The following FMO3 variants were observed in gnomAD, a reference collection of about 807,000 sequenced individuals.
FMO3 encodes the protein flavin-containing monooxygenase 3.
A neutral mutation model predicts 39.4 loss-of-function variants in FMO3; 40 were observed. The ratio of observed to expected loss-of-function variants is 1.02; its 90% CI spans 0.79 to 1.32. The LOEUF (loss-of-function observed/expected upper bound fraction) is 1.32, where lower values mean the gene tolerates loss of function less well. Among genes scored for constraint, FMO3 ranks in the 40% most tolerant of loss-of-function variants. FMO3 has a pLI of 0.00. For synonymous variants in FMO3, 219 were observed against 228.8 expected (o/e 0.96, Z 0.39); for missense variants, 680 against 651.8 (o/e 1.04, Z -0.47).
At chr1:171,109,107 G>T (rs1655781945) in intron 5 of FMO3, among the ~76,000 whole-genome samples, 1 of 152,168 alleles carries the variant, frequency 6.6e-6, no homozygotes, top group South Asian at 2.1e-4. Flanking sequence ...CTGTAAATGG[G>T]CTCCTTTGCT....
At chr1:171,111,947 C>G (rs566358178) in intron 6 of FMO3, among the ~76,000 whole-genome samples, 38 of 152,190 alleles carry the variant, frequency 2.5e-4, no homozygotes, top group African/African-American at 8.9e-4. Flanking sequence ...AAGGTAATGG[C>G]AAGTGCTGTC....
At chr1:171,092,837 G>A (rs1034770262) in intron 2 of FMO3, 47 bp downstream of exon 2, 23 of 1,604,718 alleles carry the variant, frequency 1.4e-5, no homozygotes, top group Non-Finnish European at 1.9e-5. Flanking sequence ...GTTGGGAAGT[G>A]TATAAGAGCA....
At position 171,116,262 on chromosome 1, in the gene FMO3, T is replaced by A; in HGVS notation, c.1238T>A (p.Met413Lys). 1 of 1,598,628 alleles carries A rather than the reference T, an allele frequency of 6.3e-7. No homozygotes were observed. Among genetic ancestry groups the A allele is most frequent in the Non-Finnish European group, 8.6e-7 (1 of 1,166,596 alleles). ...ATGATGAATGATATTAATGAGAAAATGGAGAAAAAGCGCAAATGGTAAGAG... is the reference window on the plus strand; with the variant it reads ...ATGATGAATGATATTAATGAGAAAAAGGAGAAAAAGCGCAAATGGTAAGAG... ...EDMMNDINEK[M>K]EKKRKWFGKS... Residue 413 changes from methionine (M) to lysine (K), a missense_variant, in exon 8 of 9, where the codon ATG (methionine) becomes AAG (lysine). Coordinates refer to ENST00000367755, the MANE Select transcript of FMO3 (RefSeq NM_001002294.3).
intron 2 of FMO3, among the ~76,000 whole-genome samples, chr1:171,103,039 T>G (rs890393349): frequency 3.3e-5 from 5 of 152,194 alleles, no homozygotes; most frequent in African/African-American, 1.2e-4. Context: ...TTTACAAATC[T>G]GATCAATAGT....
At chr1:171,096,448 A>G (rs1655062386) in intron 2 of FMO3, among the ~76,000 whole-genome samples, 1 of 105,242 alleles carries the variant, frequency 9.5e-6, no homozygotes, top group African/African-American at 3.9e-5. Context: ...TATTTTATAT[A>G]TTAAATATAT....
At position 171,096,031 on chromosome 1, in the gene FMO3, TA is replaced by T. The variant is rs1455691207; in HGVS notation, c.132+3243del. On this transcript the variant is annotated intron_variant, in intron 2 of 8. Coordinates refer to ENST00000367755, the MANE Select transcript of FMO3 (RefSeq NM_001002294.3). Reference sequence around the variant, plus strand: ...AATATACATATTATATATTAATATATAATATATATTATATATAAATATATAA... The same window carrying T: ...AATATACATATTATATATTAATATATATATATATTATATATAAATATATAA... Among the ~76,000 whole-genome samples, 147 of 61,032 alleles carry T rather than the reference TA, an allele frequency of 2.4e-3. 3 individuals carry two copies. Among genetic ancestry groups the T allele is most frequent in the African/African-American group, 0.01 (137 of 13,478 alleles). 40.0% of individuals were successfully genotyped at this position (61,032 alleles called of 152,430 possible).
At position 171,108,170 on chromosome 1, in the gene FMO3, G is replaced by C; in HGVS notation, c.576G>C (p.Leu192=). The part of the protein sequence containing the change: ...FNGKRVLVVG[L]GNSGCDIATE... ...GAAAGCGTGTCCTGGTGGTTGGCCT[G>C]GGGAATTCGGGCTGTGATATTGCCA... Residue 192 remains leucine (L), a synonymous_variant, in exon 5 of 9, where the codon CTG becomes CTC. Coordinates refer to ENST00000367755, the MANE Select transcript of FMO3 (RefSeq NM_001002294.3). 4 of 1,613,854 alleles carry C rather than the reference G, an allele frequency of 2.5e-6. No homozygotes were observed. The highest frequency in any genetic ancestry group is 3.4e-6 in the Non-Finnish European group (4 of 1,179,896).
chr1:171,116,960 G>A lies in FMO3; in HGVS notation c.1257-140G>A, dbSNP rs368150293. The A allele has an allele frequency of 5.0e-5, 35 of 702,090 alleles. No homozygotes were observed. In the East Asian group the frequency reaches 6.0e-4, roughly 12 times the overall value. 43.5% of individuals were successfully genotyped at this position (702,090 alleles called of 1,614,324 possible). A position where few individuals can be genotyped will look rare whatever the true frequency, so the allele number is the denominator to read the frequency against. ...TACAAGAAATTGATGTTGTATGTCAGGGTAGTGTGGGAAATTTTTTTAGAA... is the reference window on the plus strand; with the variant it reads ...TACAAGAAATTGATGTTGTATGTCAAGGTAGTGTGGGAAATTTTTTTAGAA... On this transcript the variant is annotated intron_variant, in intron 8 of 8. Coordinates refer to ENST00000367755, the MANE Select transcript of FMO3 (RefSeq NM_001002294.3).
intron 2 of FMO3, among the ~76,000 whole-genome samples, chr1:171,096,064 T>TAA (rs1491131192): frequency 5.0e-5 from 2 of 39,614 alleles, no homozygotes; most frequent in East Asian, 1.1e-3. Context: ...ATAATATATA[T>TAA]TATATATTAA....
rs767459045 is a variant in FMO3, at chr1:171,105,749, C to T, written c.321+1776C>T. On this transcript the variant is annotated intron_variant, in intron 3 of 8. Coordinates refer to ENST00000367755, the MANE Select transcript of FMO3 (RefSeq NM_001002294.3). ...AAAACCTGTTATAGGCAGAAAACCA[C>T]GTTTATTTAACAAATTCAGAATTTA... Among the ~76,000 whole-genome samples, 65 of 151,918 alleles carry T rather than the reference C, an allele frequency of 4.3e-4. 1 individual carries two copies. The highest frequency in any genetic ancestry group is 9.2e-4 in the Admixed American group (14 of 15,238).
At chr1:171,106,450 T>G (rs1360320780) in intron 3 of FMO3, among the ~76,000 whole-genome samples, 1 of 152,206 alleles carries the variant, frequency 6.6e-6, no homozygotes, top group Non-Finnish European at 1.5e-5. Flanking sequence ...TTAGAAATTT[T>G]GTAATTGCAT....
intron 5 of FMO3, among the ~76,000 whole-genome samples, chr1:171,110,231 T>C (rs1297524732): frequency 2.0e-5 from 3 of 152,172 alleles, no homozygotes; most frequent in Non-Finnish European, 4.4e-5. Context: ...TTCCAGATAG[T>C]AGCAGGCATT....
At chr1:171,108,335 T>G in intron 5 of FMO3, 114 bp downstream of exon 5, 1 of 1,280,006 alleles carries the variant, frequency 7.8e-7, no homozygotes, top group Non-Finnish European at 1.1e-6. Context: ...ATGTAAAGAC[T>G]AAGTGGTATT....
At chr1:171,106,668 AAC>A (rs28363543) in intron 3 of FMO3, among the ~76,000 whole-genome samples, 2,743 of 152,278 alleles carry the variant, frequency 0.018, 72 homozygotes, top group African/African-American at 0.062. Flanking sequence ...AAGAAAGTAA[AAC>A]ACAGTTATTG....
At chr1:171,110,734 G>T in intron 5 of FMO3, 64 bp from the exon 6 acceptor site, 2 of 1,442,210 alleles carry the variant, frequency 1.4e-6, no homozygotes, top group Non-Finnish European at 2.0e-6. Flanking sequence ...GGGATCTGGG[G>T]TGCTCACCAG....
chr1:171,096,773 A>T (rs1655109356), intron 2 of FMO3, among the ~76,000 whole-genome samples: 1 of 122,186 alleles, frequency 8.2e-6, no homozygotes, highest in Non-Finnish European at 1.7e-5. Context: ...TATAATTAAT[A>T]TAATTATATT....
intron 3 of FMO3, among the ~76,000 whole-genome samples, chr1:171,106,617 A>C (rs1655651535): frequency 6.6e-6 from 1 of 152,196 alleles, no homozygotes; most frequent in Admixed American, 6.5e-5. Context: ...TTTAAGAAAC[A>C]GTGCAGTAAG....
chr1:171,101,099 G>A (rs556567152), intron 2 of FMO3: 19 of 456,122 alleles, frequency 4.2e-5, no homozygotes, highest in African/African-American at 8.0e-5. Context: ...GAGTGAAGGC[G>A]TACAAGAGGG....
intron 3 of FMO3, among the ~76,000 whole-genome samples, chr1:171,104,862 A>G (rs568688570): frequency 1.3e-5 from 2 of 152,300 alleles, no homozygotes; most frequent in Non-Finnish European, 2.9e-5. Flanking sequence ...CGACAGAGTG[A>G]GACCCTATCT....
Sources: allele counts gnomAD v4.1 joint callset (sites outside exome capture counted in the v4.1 genomes callset), GRCh38; gene constraint gnomAD v4.1.1; transcripts MANE v1.5; gene names NCBI Gene and HGNC (gene_info 2026-07-23, HGNC 2026-07-21).